Variants in RUVBL1 observed in about 807,000 individuals in gnomAD.
RUVBL1 encodes the protein ruvB-like 1.
Under a neutral mutation model 52.4 loss-of-function variants are expected in RUVBL1, and 4 were observed. The ratio of observed to expected loss-of-function variants is 0.08; its 90% CI spans 0.04 to 0.17. RUVBL1 has a LOEUF of 0.17. RUVBL1 is among the 10% of genes least tolerant of loss of function. The probability of loss-of-function intolerance (pLI) is 1.00; values close to 1 mark genes in which losing one functional copy is unlikely to be tolerated. For synonymous variants in RUVBL1, 217 were observed against 214.4 expected, an observed-to-expected ratio of 1.01 and a Z score of -0.10; for missense variants, 298 against 572.8, an observed-to-expected ratio of 0.52 and a Z score of 4.90.
upstream of RUVBL1, among the ~76,000 whole-genome samples, chr3:128,126,149 T>C (rs776799861): frequency 5.3e-5 from 8 of 152,076 alleles, no homozygotes; most frequent in Non-Finnish European, 8.8e-5. Flanking sequence ...CAGGGAATGC[T>C]GAGAGTGTAG....
chr3:128,117,257 C>T (rs902884508), intron 2 of RUVBL1, among the ~76,000 whole-genome samples: 2 of 152,150 alleles, frequency 1.3e-5, no homozygotes, highest in African/African-American at 4.8e-5. Context: ...AAAAAGATAA[C>T]AAATATGAGA....
At chr3:128,153,307 T>C in exon 1 of RUVBL1, 5 of 1,361,784 alleles carry the variant, frequency 3.7e-6, no homozygotes, top group Non-Finnish European at 4.7e-6. Context: ...CTGCCTACGG[T>C]GACCTCCAGT....
intron 1 of RUVBL1, among the ~76,000 whole-genome samples, chr3:128,122,154 G>A (rs1199329169): frequency 6.6e-6 from 1 of 152,180 alleles, no homozygotes; most frequent in African/African-American, 2.4e-5. Context: ...CTTACCAGAT[G>A]AGTAACCTTG....
At chr3:128,137,797 A>T (rs1275148207) in intron 1 of RUVBL1, among the ~76,000 whole-genome samples, 10 of 152,208 alleles carry the variant, frequency 6.6e-5, no homozygotes. Flanking sequence ...TCCTCAACAA[A>T]ATATTAGCAA....
At chr3:128,125,937 A>C (rs989245639), upstream of RUVBL1, among the ~76,000 whole-genome samples, 1 of 152,190 alleles carries the variant, frequency 6.6e-6, no homozygotes, top group African/African-American at 2.4e-5. Context: ...AAGGAAAAAG[A>C]CTTTTTTTAC....
At chr3:128,111,272 C>G (rs1943388101) in intron 3 of RUVBL1, among the ~76,000 whole-genome samples, 1 of 150,930 alleles carries the variant, frequency 6.6e-6, no homozygotes, top group South Asian at 2.1e-4. Flanking sequence ...AGTCTACCCA[C>G]TTCTCTCACT....
At chr3:128,119,446 C>T (rs1158425917) in intron 1 of RUVBL1, 32 bp from the exon 2 acceptor site, 1 of 1,562,344 alleles carries the variant, frequency 6.4e-7, no homozygotes, top group South Asian at 1.1e-5. Flanking sequence ...AATAATAAAT[C>T]AATATTAAAA....
chr3:128,153,903 C>G, exon 1 of RUVBL1: 1 of 1,420,002 alleles, frequency 7.0e-7, no homozygotes, highest in Non-Finnish European at 9.1e-7. Context: ...TCGCTCGAGC[C>G]TTTGCCGGGA....
intron 9 of RUVBL1, chr3:128,071,262 C>T (rs1942159536): frequency 6.6e-6 from 1 of 152,506 alleles, no homozygotes; most frequent in Non-Finnish European, 1.5e-5. Context: ...GGCTTACCAC[C>T]CTATCACACG....
chr3:128,128,482 A>G (rs556875627), upstream of RUVBL1, among the ~76,000 whole-genome samples: 2 of 152,228 alleles, frequency 1.3e-5, no homozygotes, highest in East Asian at 3.9e-4. Context: ...CCCCACACAC[A>G]TTGTCTATCG....
chr3:128,074,577 T>G (rs978618755), intron 9 of RUVBL1, among the ~76,000 whole-genome samples: 1 of 152,138 alleles, frequency 6.6e-6, no homozygotes, highest in African/African-American at 2.4e-5. Context: ...GCACAGTGGC[T>G]CATGCCTGTA....
chr3:128,122,498 T>C (rs942953301), intron 1 of RUVBL1, among the ~76,000 whole-genome samples: 2 of 152,204 alleles, frequency 1.3e-5, no homozygotes, highest in Non-Finnish European at 2.9e-5. Context: ...GCACAGTGCT[T>C]GGCACATGGA....
rs902985930 is a variant in RUVBL1, at chr3:128,067,908, T to C, written c.940-2688A>G. ...AGTGCTCGAAGAGGCGATCTGTAAC[T>C]GTTCAGTACCACTTGGAATGCCTAT... On this transcript the variant is annotated intron_variant, in intron 9 of 9. Transcript: ENST00000464873. This position sits in a 1 kb window ranked among gnomAD's most constrained non-coding sequence, Gnocchi z 4.1. 3 of 1,157,830 alleles carry C rather than the reference T, an allele frequency of 2.6e-6. No individual in the cohort carries two copies. The highest frequency in any genetic ancestry group is 3.9e-6 in the Non-Finnish European group (3 of 768,346). 71.7% of individuals were successfully genotyped at this position (1,157,830 alleles called of 1,614,324 possible). A position where few individuals can be genotyped will look rare whatever the true frequency, so the allele number is the denominator to read the frequency against.
At chr3:128,096,759 G>A (rs1942983704) in intron 8 of RUVBL1, among the ~76,000 whole-genome samples, 1 of 152,026 alleles carries the variant, frequency 6.6e-6, no homozygotes, top group Admixed American at 6.5e-5. Flanking sequence ...CCCGGGAGGT[G>A]GAGCTTGCAG....
chr3:128,079,917 C>T (rs1942424337), downstream of RUVBL1, among the ~76,000 whole-genome samples: 2 of 152,212 alleles, frequency 1.3e-5, no homozygotes, highest in Non-Finnish European at 2.9e-5. Context: ...CATTACAGCA[C>T]GGAGATCCAG....
chr3:128,073,732 G>C (rs1942234943), intron 9 of RUVBL1, among the ~76,000 whole-genome samples: 1 of 152,208 alleles, frequency 6.6e-6, no homozygotes, highest in Non-Finnish European at 1.5e-5. Context: ...CAGCAGTAAG[G>C]GTTCTGCAGT....
At chr3:128,078,350 G>C (rs576780345), downstream of RUVBL1, among the ~76,000 whole-genome samples, 117 of 152,376 alleles carry the variant, frequency 7.7e-4, 1 homozygote, top group Admixed American at 7.6e-3. Flanking sequence ...GTGGCAGTAA[G>C]AAGGTATCTG....
rs770866626 is a variant in RUVBL1, at chr3:128,104,814, T to C, written c.472A>G (p.Ile158Val). 1.1e-5 allele frequency: 18 copies of C among 1,613,124 alleles called. No homozygotes were observed. The highest frequency in any genetic ancestry group is 1.4e-5 in the Non-Finnish European group (17 of 1,179,222). The change falls in exon 4 of 11, where the codon ATC becomes GTC. Residue 158 changes from isoleucine to valine, a missense_variant. Physicochemically the swap from Ile to Val is conservative, Grantham distance 29. Transcript: ENST00000322623. ...GGYGKTISHV[I>V]IGLKTAKGTK... ...CCTTTGGCTGTTTTGAGTCCTATGA[T>C]CACATGGCTAATGGTTTTGCCATAT... is the stretch of plus-strand genomic sequence containing the variant.
At chr3:128,110,109 A>C (rs1405733043) in intron 3 of RUVBL1, among the ~76,000 whole-genome samples, 1 of 151,888 alleles carries the variant, frequency 6.6e-6, no homozygotes, top group Non-Finnish European at 1.5e-5. Context: ...GAGCCACCGC[A>C]CTCGGCCTAC....
Sources: gnomAD v4.1 joint callset for allele counts (sites outside exome capture counted in the v4.1 genomes callset) on GRCh38, gnomAD v4.1.1 for gene constraint, Gnocchi (gnomAD v3.1) non-coding constraint, MANE v1.5 for transcripts, NCBI Gene and HGNC (gene_info 2026-07-23, HGNC 2026-07-21) for gene names.